Variants in SH2D4B observed in about 807,000 individuals in gnomAD.
The protein encoded by SH2D4B is SH2 domain containing 4B, also known as SH2 domain-containing protein 4B.
A neutral mutation model predicts 61.5 loss-of-function variants in SH2D4B; 45 were observed. The ratio of observed to expected loss-of-function variants is 0.73; its 90% CI spans 0.58 to 0.94. The LOEUF is 0.94. SH2D4B is among the 40% of genes least tolerant of loss of function. The pLI, the probability that SH2D4B is intolerant of heterozygous loss-of-function variation, is 0.00. For synonymous variants in SH2D4B, 224 were observed against 220.4 expected, an observed-to-expected ratio of 1.02 and a Z score of -0.14; for missense variants, 572 against 574.2, an observed-to-expected ratio of 1.00 and a Z score of 0.04.
intron 3 of SH2D4B, among the ~76,000 whole-genome samples, chr10:80,587,177 C>T (rs1410445981): frequency 7.4e-6 from 1 of 135,894 alleles, no homozygotes; most frequent in Non-Finnish European, 1.5e-5. Flanking sequence ...TTGGAGACGC[C>T]CAGGCTGGAG....
At chr10:80,607,046 T>G (rs1589354811) in intron 5 of SH2D4B, among the ~76,000 whole-genome samples, 2 of 152,230 alleles carry the variant, frequency 1.3e-5, no homozygotes, top group Admixed American at 6.5e-5. Context: ...GAAAACTGTC[T>G]AATTTATATA....
intron 4 of SH2D4B, among the ~76,000 whole-genome samples, chr10:80,599,926 TCTC>T (rs1158888863): frequency 2.6e-5 from 4 of 152,048 alleles, no homozygotes; most frequent in African/African-American, 9.7e-5. Context: ...ACTCCACACA[TCTC>T]CTCTGCTCCC....
At chr10:80,582,745 C>T (rs946001900) in intron 3 of SH2D4B, among the ~76,000 whole-genome samples, 2 of 152,194 alleles carry the variant, frequency 1.3e-5, no homozygotes, top group Admixed American at 6.5e-5. Context: ...AGGAAATTTA[C>T]AAGAAGGTGC....
At chr10:80,609,822 G>T (rs1018153095) in intron 6 of SH2D4B, among the ~76,000 whole-genome samples, 4 of 152,188 alleles carry the variant, frequency 2.6e-5, no homozygotes, top group African/African-American at 9.7e-5. Flanking sequence ...CCCCTCAGAG[G>T]CATCTTCTTT....
At chr10:80,585,391 T>C (rs1198155563) in intron 3 of SH2D4B, among the ~76,000 whole-genome samples, 1 of 151,512 alleles carries the variant, frequency 6.6e-6, no homozygotes, top group Non-Finnish European at 1.5e-5. Context: ...CTCAGCTCAC[T>C]GCAACCTCCA....
intron 1 of SH2D4B, among the ~76,000 whole-genome samples, chr10:80,566,821 C>A (rs902755733): frequency 1.3e-5 from 2 of 151,968 alleles, no homozygotes; most frequent in East Asian, 3.9e-4. Flanking sequence ...TTATTTTTAC[C>A]CACTATTAAT....
At chr10:80,553,865 G>A (rs1841792867) in intron 1 of SH2D4B, among the ~76,000 whole-genome samples, 1 of 152,212 alleles carries the variant, frequency 6.6e-6, no homozygotes, top group South Asian at 2.1e-4. Flanking sequence ...GAGTGTCTGG[G>A]TTCCAATTTT....
intron 7 of SH2D4B, among the ~76,000 whole-genome samples, chr10:80,639,717 G>T (rs1840255235): frequency 6.6e-6 from 1 of 152,148 alleles, no homozygotes; most frequent in Non-Finnish European, 1.5e-5. Context: ...ACACTGATGG[G>T]TCTTGATCTT....
intron 1 of SH2D4B, among the ~76,000 whole-genome samples, chr10:80,547,145 C>A (rs1841690611): frequency 6.6e-6 from 1 of 152,168 alleles, no homozygotes; most frequent in Admixed American, 6.5e-5. Context: ...CTCTGAGGGG[C>A]AGTGATAAAT....
At chr10:80,628,610 G>T (rs915725787) in intron 6 of SH2D4B, among the ~76,000 whole-genome samples, 2 of 152,278 alleles carry the variant, frequency 1.3e-5, no homozygotes, top group South Asian at 4.1e-4. Flanking sequence ...TCTCTTGAGG[G>T]GTTGGGTTTT....
intron 1 of SH2D4B, among the ~76,000 whole-genome samples, chr10:80,549,602 G>A (rs1841730569): frequency 6.6e-6 from 1 of 152,210 alleles, no homozygotes. Flanking sequence ...CATGTGCAAA[G>A]TGCCTGAAGT....
chr10:80,622,617 G>A (rs1346693886), intron 6 of SH2D4B, among the ~76,000 whole-genome samples: 1 of 152,096 alleles, frequency 6.6e-6, no homozygotes, highest in Non-Finnish European at 1.5e-5. Context: ...GTGGTGGCAG[G>A]TGGCCCTGGA....
chr10:80,570,130 C>A (rs377326212), intron 1 of SH2D4B, 24 bp from the exon 2 acceptor site: 1 of 1,613,620 alleles, frequency 6.2e-7, no homozygotes, highest in Non-Finnish European at 8.5e-7. Flanking sequence ...AAACTTGTTT[C>A]TTCTTCCTTC....
chr10:80,596,668 G>A (rs1345163073), intron 4 of SH2D4B, among the ~76,000 whole-genome samples: 5 of 152,208 alleles, frequency 3.3e-5, no homozygotes, highest in African/African-American at 1.2e-4. Flanking sequence ...AAGGACTGCC[G>A]AGGGGTGGCT....
At chr10:80,568,327 G>C (rs908673014) in intron 1 of SH2D4B, among the ~76,000 whole-genome samples, 1 of 152,162 alleles carries the variant, frequency 6.6e-6, no homozygotes, top group Non-Finnish European at 1.5e-5. Context: ...GTGAAGGAGA[G>C]GGCAAGGGAC....
chr10:80,601,648 T>A (rs1842453101), intron 4 of SH2D4B, among the ~76,000 whole-genome samples: 1 of 152,238 alleles, frequency 6.6e-6, no homozygotes, highest in Non-Finnish European at 1.5e-5. Context: ...TGGGGGCACT[T>A]CCATAAATAC....
At chr10:80,557,002 C>T (rs776524388) in intron 1 of SH2D4B, among the ~76,000 whole-genome samples, 6 of 152,142 alleles carry the variant, frequency 3.9e-5, no homozygotes, top group Admixed American at 1.3e-4. Context: ...ATTCAATCTC[C>T]GGTCATTAAG....
intron 3 of SH2D4B, among the ~76,000 whole-genome samples, chr10:80,586,798 G>A (rs1019387068): frequency 2.0e-5 from 3 of 152,144 alleles, no homozygotes; most frequent in Non-Finnish European, 4.4e-5. Context: ...CTCACTCTTT[G>A]GTTCCACGCT....
At chr10:80,603,834 G>T in intron 5 of SH2D4B, 39 bp downstream of exon 5, 2 of 1,577,648 alleles carry the variant, frequency 1.3e-6, no homozygotes, top group South Asian at 2.3e-5. Context: ...TGGGGCAAGG[G>T]CCTTGGATTA....
Sources: gnomAD v4.1 joint callset for allele counts (sites outside exome capture counted in the v4.1 genomes callset) on GRCh38, gnomAD v4.1.1 for gene constraint, MANE v1.5 for transcripts, NCBI Gene and HGNC (gene_info 2026-07-23, HGNC 2026-07-21) for gene names.